CEP164: variants seen among roughly 807,000 people sequenced by gnomAD.
The protein encoded by CEP164 is centrosomal protein 164, also known as centrosomal protein of 164 kDa.
In CEP164, 162 loss-of-function variants were observed where a neutral mutation model predicts 182.7. The ratio of observed to expected loss-of-function variants is 0.89; its 90% CI spans 0.78 to 1.01. CEP164 has a LOEUF of 1.01. CEP164 is among the 50% of genes least tolerant of loss of function. The pLI is 0.00. For missense variants in CEP164, 1,735 were observed against 1,790.4 expected (o/e 0.97, Z 0.56); for synonymous variants, 661 against 690.0 (o/e 0.96, Z 0.66).
Position 117,405,337 on chromosome 11 carries a change from G to T in CEP164, c.3502-2588G>T, listed in dbSNP as rs748677673. On this transcript the variant is annotated intron_variant, in intron 27 of 32. Transcript: ENST00000278935. Reference sequence around the variant, plus strand: ...GGGTTGCAAAGATTGTGGGAAAAGCGTAGTATCTGGGCCGGAATGCACTGT... The same window carrying T: ...GGGTTGCAAAGATTGTGGGAAAAGCTTAGTATCTGGGCCGGAATGCACTGT... Among the ~76,000 whole-genome samples, 160 of 152,318 alleles carry T rather than the reference G, an allele frequency of 1.1e-3. 1 individual carries two copies. The highest frequency in any genetic ancestry group is 2.0e-3 in the Non-Finnish European group (136 of 68,028).
chr11:117,373,461 C>T (rs973500323), intron 9 of CEP164, among the ~76,000 whole-genome samples: 5 of 152,154 alleles, frequency 3.3e-5, no homozygotes, highest in East Asian at 1.9e-4. Context: ...CCTTTCTAAC[C>T]GTCTCTGCTA....
rs1171733398 is a variant in CEP164, at chr11:117,407,972, C to A, written c.3549C>A (p.His1183Gln). 1 of 1,602,900 alleles carries A rather than the reference C, an allele frequency of 6.2e-7. No homozygotes were observed. Reference protein sequence around the residue: ...DEMKSAMRKGHNLLKKKEEKL... With the variant: ...DEMKSAMRKGQNLLKKKEEKL... Reference sequence around the variant, plus strand: ...TGAAGTCGGCCATGCGGAAAGGCCACAACCTGCTGAAGAAGAAAGAGGAGA... The same window carrying A: ...TGAAGTCGGCCATGCGGAAAGGCCAAAACCTGCTGAAGAAGAAAGAGGAGA... Residue 1183 changes from histidine to glutamine, a missense_variant, in exon 28 of 33, where the codon CAC becomes CAA. Physicochemically the swap from His to Gln is conservative, Grantham distance 24. Transcript: ENST00000278935.
At chr11:117,322,636 AC>A (rs2035290133) in intron 1 of CEP164, among the ~76,000 whole-genome samples, 1 of 150,676 alleles carries the variant, frequency 6.6e-6, no homozygotes, top group Non-Finnish European at 1.5e-5. Flanking sequence ...GCTCACTGAA[AC>A]CTCTGCCTCC....
intron 5 of CEP164, among the ~76,000 whole-genome samples, chr11:117,357,605 A>G (rs1215204022): frequency 6.6e-6 from 1 of 151,968 alleles, no homozygotes; most frequent in Non-Finnish European, 1.5e-5. Context: ...TATTTTTAGC[A>G]GAGACGGAGT....
chr11:117,396,014 CA>C, intron 24 of CEP164, 39 bp from the exon 25 acceptor site: 1 of 1,612,902 alleles, frequency 6.2e-7, no homozygotes, highest in South Asian at 1.1e-5. Flanking sequence ...CCCCCATCGC[CA>C]GCCGCTGCCC....
chr11:117,341,772 G>T (rs1223666336), intron 3 of CEP164, among the ~76,000 whole-genome samples: 1 of 152,140 alleles, frequency 6.6e-6, no homozygotes, highest in East Asian at 1.9e-4. Flanking sequence ...AGTCCCCAGA[G>T]CTACTGGTTG....
intron 12 of CEP164, 95 bp from the exon 13 acceptor site, chr11:117,381,606 G>A (rs1328660293): frequency 2.2e-6 from 3 of 1,381,656 alleles, no homozygotes; most frequent in Non-Finnish European, 2.9e-6. Context: ...CCCAGGAGGA[G>A]GCAATGACCT....
Position 117,411,030 on chromosome 11 carries a change from C to T in CEP164, c.4163+136C>T. ...AGAAATCAGGCAGGCCTCTAGTCCA[C>T]AGAGCTGTCCCCGCTTGCCTGGGTC... On this transcript the variant is annotated intron_variant, in intron 31 of 32. Coordinates refer to ENST00000278935, the MANE Select transcript of CEP164 (RefSeq NM_014956.5). This position sits in a 1 kb window ranked among gnomAD's most constrained non-coding sequence, Gnocchi z 4.4. 1 of 759,142 alleles carries T rather than the reference C, an allele frequency of 1.3e-6. No individual in the cohort carries two copies. Among genetic ancestry groups the T allele is most frequent in the Non-Finnish European group, 2.2e-6 (1 of 457,246 alleles). The allele number at this position is 759,142 out of a possible 1,614,324, so 47.0% of individuals were successfully genotyped here. A position where few individuals can be genotyped will look rare whatever the true frequency, so the allele number is the denominator to read the frequency against.
intron 11 of CEP164, among the ~76,000 whole-genome samples, chr11:117,377,608 G>T (rs1171717154): frequency 6.6e-6 from 1 of 152,144 alleles, no homozygotes. Flanking sequence ...CTTCCTGTGC[G>T]CTCTTGCCCA....
intron 3 of CEP164, among the ~76,000 whole-genome samples, chr11:117,341,890 G>A (rs578228451): frequency 6.6e-6 from 1 of 152,022 alleles, no homozygotes; most frequent in East Asian, 1.9e-4. Context: ...TGTCAACATT[G>A]CTGAGAGGCA....
At position 117,394,274 on chromosome 11, in the gene CEP164, G is replaced by T; in HGVS notation, c.2617-76G>T. 6.5e-7 allele frequency: 1 copy of T among 1,538,918 alleles called. No homozygotes were observed. Among genetic ancestry groups the T allele is most frequent in the Non-Finnish European group, 8.8e-7 (1 of 1,138,002 alleles). On this transcript the variant is annotated intron_variant, in intron 20 of 32. Transcript: ENST00000278935. The surrounding 1 kb of genome is among the most constrained non-coding windows in gnomAD (Gnocchi z 4.0). ...CTGATCTTACTGATGCAAGGCTGCA[G>T]GGCTAGGGGAGCTGTGATTTTTGTG...
At position 117,382,319 on chromosome 11, in the gene CEP164, T is replaced by G. The variant is rs1032393313; in HGVS notation, c.1577+451T>G. ...CTTCTTGTCATTCAGCAACCCCAGC[T>G]GGAGCCCTGTTATGTGCTCGGCCCA... On this transcript the variant is annotated intron_variant, in intron 13 of 32. Coordinates refer to ENST00000278935, the MANE Select transcript of CEP164 (RefSeq NM_014956.5). Among the ~76,000 whole-genome samples the G allele has an allele frequency of 5.9e-5, 9 of 152,272 alleles. No individual in the cohort carries two copies. In the South Asian group the frequency reaches 1.9e-3, roughly 32 times the overall value.
chr11:117,356,021 A>AGC, intron 5 of CEP164: 1 of 1,141,010 alleles, frequency 8.8e-7, no homozygotes, highest in Non-Finnish European at 1.1e-6. Flanking sequence ...CAGCAGCAGC[A>AGC]ACAGCAACCT....
intron 8 of CEP164, 86 bp downstream of exon 8, chr11:117,363,592 C>A: frequency 1.1e-6 from 1 of 950,532 alleles, no homozygotes; most frequent in Non-Finnish European, 1.6e-6. Context: ...TGTTGTAATG[C>A]ATATTTGGAA....
intron 14 of CEP164, chr11:117,385,217 T>TG (rs2043809443): frequency 6.6e-6 from 1 of 152,254 alleles, no homozygotes; most frequent in East Asian, 1.9e-4. Context: ...ATTATGCTCC[T>TG]GCAGAGCCTC....
In CEP164 at chr11:117,387,401, G is replaced by A. The variant is rs1435675301; in HGVS notation, c.1923G>A (p.Glu641=). ...TCCTCCGGCTTCACCAGCAGAAAGA[G>A]CAATCTCTCAGGTCCTGCCCTTCCC... ...EEILRLHQQK[E]QSLSSLRERL... Residue 641 remains glutamate, a synonymous_variant, in exon 15 of 33, where the codon GAG becomes GAA. Coordinates refer to ENST00000278935, the MANE Select transcript of CEP164 (RefSeq NM_014956.5). 1.9e-6 allele frequency: 3 copies of A among 1,614,006 alleles called. No individual in the cohort carries two copies. The highest frequency in any genetic ancestry group is 2.5e-6 in the Non-Finnish European group (3 of 1,180,036).
At chr11:117,379,852 CTTTTTTTTTTT>C (rs58534321) in intron 11 of CEP164, among the ~76,000 whole-genome samples, 23 of 116,918 alleles carry the variant, frequency 2.0e-4, no homozygotes, top group African/African-American at 5.2e-4. Context: ...ATAGTTCTTC[CTTTTTTTTTTT>C]TTTTTTTTTT....
intron 24 of CEP164, 80 bp downstream of exon 24, chr11:117,395,802 A>C (rs2045357174): frequency 5.4e-6 from 8 of 1,484,890 alleles, no homozygotes; most frequent in Non-Finnish European, 7.3e-6. Flanking sequence ...GTCATGGCCC[A>C]GTTAATAGGG....
In CEP164 at chr11:117,354,766, T is replaced by TTTTATTTA. The variant is rs147463962; in HGVS notation, c.393+2801_393+2808dup. On this transcript the variant is annotated intron_variant, in intron 5 of 32. Coordinates refer to ENST00000278935, the MANE Select transcript of CEP164 (RefSeq NM_014956.5). ...AATTATTATTTTTTTTTGCTATTGA[T>TTTTATTTA]TTTATTTATTTATTTATTTATTTAT... is the stretch of plus-strand genomic sequence containing the variant. Among the ~76,000 whole-genome samples, 109 of 149,248 alleles carry TTTTATTTA rather than the reference T, an allele frequency of 7.3e-4. 1 individual carries two copies. The East Asian group carries it at 0.014, about 19-fold the overall frequency.
Sources: allele counts gnomAD v4.1 joint callset (sites outside exome capture counted in the v4.1 genomes callset), GRCh38; gene constraint gnomAD v4.1.1; non-coding constraint Gnocchi (gnomAD v3.1); transcripts MANE v1.5; gene names NCBI Gene and HGNC (gene_info 2026-07-23, HGNC 2026-07-21).